Variants in TRPC4 observed in about 807,000 individuals in gnomAD.
The protein encoded by TRPC4 is short transient receptor potential channel 4.
A neutral mutation model predicts 99.4 loss-of-function variants in TRPC4; 49 were observed. The ratio of observed to expected loss-of-function variants is 0.49; its 90% CI spans 0.39 to 0.63. The LOEUF (loss-of-function observed/expected upper bound fraction) is 0.63. Among genes scored for constraint, TRPC4 ranks in the 20% least tolerant of loss-of-function variants. The pLI is 0.00. For missense variants in TRPC4, 898 were observed against 1,152.9 expected (o/e 0.78, Z 3.20); for synonymous variants, 454 against 425.9 (o/e 1.07, Z -0.81).
chr13:37,658,585 A>G (rs187595179), intron 6 of TRPC4, among the ~76,000 whole-genome samples: 9 of 152,310 alleles, frequency 5.9e-5, no homozygotes, highest in Non-Finnish European at 1.0e-4. Flanking sequence ...AGTTACAACC[A>G]TTAGGAATAC....
chr13:37,713,824 A>G (rs1233225243), intron 3 of TRPC4, among the ~76,000 whole-genome samples: 1 of 152,208 alleles, frequency 6.6e-6, no homozygotes, highest in Non-Finnish European at 1.5e-5. Flanking sequence ...GTTCTCTGCT[A>G]TAAGAGAGGT....
chr13:37,674,468 C>T, intron 4 of TRPC4, 101 bp from the exon 5 acceptor site: 2 of 1,208,602 alleles, frequency 1.7e-6, no homozygotes, highest in Non-Finnish European at 1.1e-6. Flanking sequence ...TACAAGAGAC[C>T]ACATTGTTAC....
chr13:37,650,137 T>C (rs1233534039), intron 8 of TRPC4, among the ~76,000 whole-genome samples: 1 of 152,226 alleles, frequency 6.6e-6, no homozygotes. Context: ...CAATGCCTGG[T>C]GGGCAATGAA....
At chr13:37,769,973 T>A (rs1956502183) in intron 2 of TRPC4, among the ~76,000 whole-genome samples, 1 of 151,506 alleles carries the variant, frequency 6.6e-6, no homozygotes, top group Non-Finnish European at 1.5e-5. Context: ...TGTTTCAGGT[T>A]AAATAGGTTA....
chr13:37,841,107 G>C (rs1276777280), intron 1 of TRPC4, among the ~76,000 whole-genome samples: 1 of 152,062 alleles, frequency 6.6e-6, no homozygotes, highest in Non-Finnish European at 1.5e-5. Context: ...TTGAAATTGT[G>C]CTTGTTTATA....
intron 1 of TRPC4, among the ~76,000 whole-genome samples, chr13:37,818,629 G>A (rs908397577): frequency 6.6e-6 from 1 of 151,964 alleles, no homozygotes; most frequent in Non-Finnish European, 1.5e-5. Context: ...CCATAAAAAG[G>A]GGTGAGTTCA....
chr13:37,830,446 C>T lies in TRPC4; in HGVS notation c.-28+39149G>A, dbSNP rs761558046. Among the ~76,000 whole-genome samples, 167 of 151,898 alleles carry T rather than the reference C, an allele frequency of 1.1e-3. 2 individuals are homozygous for T. The highest frequency in any genetic ancestry group is 7.7e-4 in the East Asian group (4 of 5,182). On this transcript the variant is annotated intron_variant, in intron 1 of 10. Transcript: ENST00000379705. ...ATTGCTTGCTGGACATGATGGCTGACGCCTGTAATCCCAGCATTTTGGGAG... is the reference window on the plus strand; with the variant it reads ...ATTGCTTGCTGGACATGATGGCTGATGCCTGTAATCCCAGCATTTTGGGAG...
chr13:37,737,044 G>C (rs957971574), intron 3 of TRPC4, among the ~76,000 whole-genome samples: 2 of 151,500 alleles, frequency 1.3e-5, no homozygotes, highest in Admixed American at 6.6e-5. Context: ...ACTTCTTTTT[G>C]ATATTCAAAA....
At chr13:37,730,203 C>A (rs1166935888) in intron 3 of TRPC4, among the ~76,000 whole-genome samples, 1 of 151,974 alleles carries the variant, frequency 6.6e-6, no homozygotes, top group Non-Finnish European at 1.5e-5. Context: ...TTTTAAAAAA[C>A]ACATTAGTAT....
At chr13:37,650,610 T>TCTACACAC (rs763182248) in intron 8 of TRPC4, among the ~76,000 whole-genome samples, 652 of 65,040 alleles carry the variant, frequency 0.01, 5 homozygotes, top group African/African-American at 0.037. Context: ...TCTCTCTCTC[T>TCTACACAC]ATACACACAC....
In TRPC4 at chr13:37,698,177, T is replaced by TTTTTTTTTTTTTTTTTTTTTTTC. The variant is rs1555259178; in HGVS notation, c.898-5843_898-5842insGAAAAAAAAAAAAAAAAAAAAAA. Among the ~76,000 whole-genome samples the TTTTTTTTTTTTTTTTTTTTTTTC allele has an allele frequency of 2.6e-4, 36 of 139,394 alleles. 5 individuals are homozygous for TTTTTTTTTTTTTTTTTTTTTTTC. The highest frequency in any genetic ancestry group is 4.8e-4 in the Non-Finnish European group (31 of 64,810). 91.4% of individuals were successfully genotyped at this position (139,394 alleles called of 152,430 possible). On this transcript the variant is annotated intron_variant, in intron 3 of 10. Transcript: ENST00000379705. ...ACTCCAAGGACTAACCTTTTTTTTT[T>TTTTTTTTTTTTTTTTTTTTTTTC]TGAGTGGGAATCTCACTCTGTTGCC...
intron 1 of TRPC4, among the ~76,000 whole-genome samples, chr13:37,868,592 G>A (rs1174593146): frequency 6.6e-6 from 1 of 151,810 alleles, no homozygotes; most frequent in Non-Finnish European, 1.5e-5. Context: ...GCTCTGAGAG[G>A]CGGTGTTTTA....
At chr13:37,672,394 T>C (rs541802282) in intron 5 of TRPC4, among the ~76,000 whole-genome samples, 2 of 152,338 alleles carry the variant, frequency 1.3e-5, no homozygotes, top group East Asian at 3.9e-4. Context: ...TTCTTCACAG[T>C]GTCTTCCTTA....
At chr13:37,812,197 C>CAAAAAAAAAAAAAAAAAAAAAAAAAAAGA (rs1156963631) in intron 1 of TRPC4, among the ~76,000 whole-genome samples, 1 of 111,202 alleles carries the variant, frequency 9.0e-6, no homozygotes. Context: ...AAAAAAAAAC[C>CAAAAAAAAAAAAAAAAAAAAAAAAAAAGA]AGGAGATCTA....
chr13:37,693,465 T>C (rs1050565434), intron 3 of TRPC4, among the ~76,000 whole-genome samples: 2 of 152,238 alleles, frequency 1.3e-5, no homozygotes, highest in Non-Finnish European at 2.9e-5. Context: ...TAAAATAGGC[T>C]TACTCTATAA....
At chr13:37,698,658 T>A (rs1954000844) in intron 3 of TRPC4, among the ~76,000 whole-genome samples, 1 of 152,162 alleles carries the variant, frequency 6.6e-6, no homozygotes, top group Non-Finnish European at 1.5e-5. Flanking sequence ...AGTTTTAGTA[T>A]AATATCTAAT....
At chr13:37,825,847 T>C (rs1387599403) in intron 1 of TRPC4, among the ~76,000 whole-genome samples, 1 of 151,774 alleles carries the variant, frequency 6.6e-6, no homozygotes, top group African/African-American at 2.4e-5. Flanking sequence ...TCTGTCTCAT[T>C]GATCTGTCTA....
Position 37,745,457 on chromosome 13 carries a change from T to TATGCATATATATATATATATATGC in TRPC4, c.897+479_897+480insGCATATATATATATATATATGCAT, listed in dbSNP as rs1955720074. 1.5e-3 allele frequency among the ~76,000 whole-genome samples: 12 copies of TATGCATATATATATATATATATGC among 8,046 alleles called. No individual in the cohort carries two copies. The East Asian group carries it at 0.026, about 18-fold the overall frequency. 5.3% of individuals were successfully genotyped at this position (8,046 alleles called of 152,430 possible). On this transcript the variant is annotated intron_variant, in intron 3 of 10. Coordinates refer to ENST00000379705, the MANE Select transcript of TRPC4 (RefSeq NM_016179.4). ...ATGCGTATATATATATATATATATATATATATATATATATATACACACACA... is the reference window on the plus strand; with the variant it reads ...ATGCGTATATATATATATATATATATATGCATATATATATATATATATGCATATATATATATATATACACACACA...
intron 1 of TRPC4, among the ~76,000 whole-genome samples, chr13:37,809,959 T>C (rs1957629463): frequency 6.6e-6 from 1 of 151,904 alleles, no homozygotes; most frequent in South Asian, 2.1e-4. Context: ...AAAAAATGAC[T>C]ATGATTGGGC....
Sources: allele counts gnomAD v4.1 joint callset (sites outside exome capture counted in the v4.1 genomes callset), GRCh38; gene constraint gnomAD v4.1.1; transcripts MANE v1.5; gene names NCBI Gene and HGNC (gene_info 2026-07-23, HGNC 2026-07-21).